Variants in SSH1 observed in about 807,000 individuals in gnomAD.
SSH1 encodes slingshot protein phosphatase 1.
In SSH1, 43 loss-of-function variants were observed where a neutral mutation model predicts 79.7. The observed-to-expected ratio is 0.54, with a 90% CI of 0.42 to 0.70. The LOEUF (loss-of-function observed/expected upper bound fraction) is 0.70, where lower values mean the gene tolerates loss of function less well. Among genes scored for constraint, SSH1 ranks in the 30% least tolerant of loss-of-function variants. SSH1 has a pLI of 0.00. For missense variants in SSH1, 1,206 were observed against 1,358.8 expected, an observed-to-expected ratio of 0.89 and a Z score of 1.77; for synonymous variants, 599 against 538.3, an observed-to-expected ratio of 1.11 and a Z score of -1.56.
intron 3 of SSH1, among the ~76,000 whole-genome samples, chr12:108,821,354 A>G (rs1435361534): frequency 6.6e-6 from 1 of 152,044 alleles, no homozygotes; most frequent in African/African-American, 2.4e-5. Context: ...TGATCAGGCC[A>G]CTGCACGCCA....
chr12:108,835,967 A>G lies in SSH1; in HGVS notation c.111-12606T>C, dbSNP rs899918492. Among the ~76,000 whole-genome samples the G allele has an allele frequency of 1.9e-4, 28 of 146,198 alleles. 2 individuals are homozygous for G. Among genetic ancestry groups the G allele is most frequent in the African/African-American group, 5.9e-4 (24 of 40,510 alleles). ...TATATTAATATAATCGATTATAACT[A>G]TATTAATATAATCGATTATAACTAT... On this transcript the variant is annotated intron_variant, in intron 2 of 14. Coordinates refer to ENST00000326495, the MANE Select transcript of SSH1 (RefSeq NM_018984.4).
Position 108,788,179 on chromosome 12 carries a change from A to T in SSH1, c.2959T>A (p.Phe987Ile). ...HSLAKLGSLT[F>I]STEDLSSEAD... ...TCACTGGACAGGTCTTCCGTTGAGA[A>T]GGTGAGACTCCCCAGCTTGGCAAGA... The change falls in exon 15 of 15, where the codon TTC (phenylalanine) becomes ATC (isoleucine). Residue 987 changes from phenylalanine to isoleucine, a missense_variant. Around this residue, in one of 5 missense-constraint regions of SSH1, gnomAD observed 709 missense variants for 730.6 expected, o/e 0.97. Transcript: ENST00000326495. The T allele has an allele frequency of 1.2e-6, 2 of 1,613,984 alleles. No homozygotes were observed. The highest frequency in any genetic ancestry group is 1.7e-6 in the Non-Finnish European group (2 of 1,180,006).
At chr12:108,855,836 T>C (rs991678543) in intron 1 of SSH1, among the ~76,000 whole-genome samples, 6 of 152,074 alleles carry the variant, frequency 3.9e-5, no homozygotes, top group Admixed American at 2.0e-4. Flanking sequence ...CTTCTGTGTA[T>C]AGATAACTCA....
chr12:108,793,982 G>A (rs1313574019), intron 13 of SSH1, among the ~76,000 whole-genome samples: 2 of 152,198 alleles, frequency 1.3e-5, no homozygotes, highest in African/African-American at 2.4e-5. Flanking sequence ...GCAGGCTCAG[G>A]GAGAGGTCAG....
At chr12:108,846,982 G>A (rs935660896) in intron 2 of SSH1, among the ~76,000 whole-genome samples, 27 of 151,804 alleles carry the variant, frequency 1.8e-4, no homozygotes, top group Non-Finnish European at 2.9e-4. Context: ...CTGCAGTCTC[G>A]ACCTCCTGGG....
Position 108,782,414 on chromosome 12 carries a change from C to CT in SSH1, c.*5573dup, listed in dbSNP as rs546518686. On this transcript the variant is annotated 3_prime_UTR_variant, in exon 15 of 15. Coordinates refer to ENST00000326495, the MANE Select transcript of SSH1 (RefSeq NM_018984.4). ...GTCCAAATCCTTTCCTGGTGGGTAA[C>CT]TTTTTTTTTTTGGTACACAAAGGAC... The CT allele has an allele frequency of 2.1e-3, 306 of 146,932 alleles. 3 individuals carry two copies. The South Asian group carries it at 0.028, about 14-fold the overall frequency. 9.1% of individuals were successfully genotyped at this position (146,932 alleles called of 1,614,324 possible).
chr12:108,818,229 ACATT>A lies in SSH1; in HGVS notation c.279+16_279+19del. 1 of 1,612,520 alleles carries A rather than the reference ACATT, an allele frequency of 6.2e-7. No individual in the cohort carries two copies. Among genetic ancestry groups the A allele is most frequent in the Non-Finnish European group, 8.5e-7 (1 of 1,178,976 alleles). On this transcript the variant is annotated intron_variant, in intron 4 of 14. Coordinates refer to ENST00000326495, the MANE Select transcript of SSH1 (RefSeq NM_018984.4). ...AATTAAAAAAAAATTTTTTAACTTG[ACATT>A]CTCACTGCTTCTTACCAGCTTGATT... is the stretch of plus-strand genomic sequence containing the variant.
At chr12:108,790,237 G>A (rs1402098427) in intron 14 of SSH1, among the ~76,000 whole-genome samples, 6 of 151,082 alleles carry the variant, frequency 4.0e-5, no homozygotes, top group Admixed American at 2.0e-4. Context: ...TGCAACCTCT[G>A]CCTCCCAGGT....
At chr12:108,841,924 A>G (rs2038788405) in intron 2 of SSH1, among the ~76,000 whole-genome samples, 1 of 152,080 alleles carries the variant, frequency 6.6e-6, no homozygotes, top group Non-Finnish European at 1.5e-5. Flanking sequence ...TGGGCAGATC[A>G]CTTGAGTCCA....
At position 108,788,748 on chromosome 12, in the gene SSH1, G is replaced by C; in HGVS notation, c.2390C>G (p.Ser797Cys). The C allele has an allele frequency of 6.2e-7, 1 of 1,614,240 alleles. No individual in the cohort carries two copies. The highest frequency in any genetic ancestry group is 8.5e-7 in the Non-Finnish European group (1 of 1,180,042). The change falls in exon 15 of 15, where the codon TCT (serine) becomes TGT (cysteine). Residue 797 changes from serine (S) to cysteine (C), a missense_variant. Ser to Cys is a moderately radical substitution (Grantham distance 112, BLOSUM62 -1). This residue lies in a region of SSH1 where 709 missense variants were observed against 730.6 expected (regional missense o/e 0.97). Coordinates refer to ENST00000326495, the MANE Select transcript of SSH1 (RefSeq NM_018984.4). ...GTAGCTGTTGGTTGTCGGCTTCTCA[G>C]ATTCATTACTGAACAGAAGCCTCAG... The part of the protein sequence containing the change: ...KDLRLLFSNE[S>C]EKPTTNSYLM...
intron 2 of SSH1, among the ~76,000 whole-genome samples, chr12:108,838,532 G>T (rs902709093): frequency 6.6e-6 from 1 of 152,220 alleles, no homozygotes; most frequent in Admixed American, 6.5e-5. Flanking sequence ...AAGGGCACGC[G>T]AAGCCAGGAT....
rs892202742 is a variant in SSH1, at chr12:108,787,742, G to C, written c.*246C>G. On this transcript the variant is annotated 3_prime_UTR_variant, in exon 15 of 15. Coordinates refer to ENST00000326495, the MANE Select transcript of SSH1 (RefSeq NM_018984.4). The stretch of plus-strand genomic sequence containing the variant: ...TCTTCTTGAAGACACGGTGGGAGCG[G>C]AGTTTTGTGTCTCCTGGCCGGCGGC... 34 of 562,630 alleles carry C rather than the reference G, an allele frequency of 6.0e-5. No homozygotes were observed. The Middle Eastern group carries it at 1.4e-3, about 23-fold the overall frequency. The allele number at this position is 562,630 out of a possible 1,614,324, so 34.9% of individuals were successfully genotyped here.
intron 1 of SSH1, among the ~76,000 whole-genome samples, chr12:108,856,166 C>A (rs963461336): frequency 6.6e-6 from 1 of 152,336 alleles, no homozygotes; most frequent in South Asian, 2.1e-4. Flanking sequence ...GGTCTGCAGG[C>A]GGACACTCAG....
chr12:108,816,483 G>A (rs142208086), intron 5 of SSH1, among the ~76,000 whole-genome samples: 5 of 152,268 alleles, frequency 3.3e-5, no homozygotes, highest in African/African-American at 1.2e-4. Flanking sequence ...ACGCATCTTG[G>A]GGTCAATGCT....
rs2036146830 is a variant in SSH1, at chr12:108,781,544, C to G, written c.*6444G>C. The G allele has an allele frequency of 6.6e-6, 1 of 152,210 alleles. No individual in the cohort carries two copies. Among genetic ancestry groups the G allele is most frequent in the African/African-American group, 2.4e-5 (1 of 41,448 alleles). The allele number at this position is 152,210 out of a possible 1,614,324, so 9.4% of individuals were successfully genotyped here. On this transcript the variant is annotated 3_prime_UTR_variant, in exon 15 of 15. Coordinates refer to ENST00000326495, the MANE Select transcript of SSH1 (RefSeq NM_018984.4). ...CAGTCTTTTGAGTCCAGTTGAGAGA[C>G]AGAGCAAGTCCAGATGAACTGAACA...
chr12:108,807,916 G>C lies in SSH1; in HGVS notation c.537-89C>G. The C allele has an allele frequency of 8.5e-7, 1 of 1,170,982 alleles. No individual in the cohort carries two copies. Among genetic ancestry groups the C allele is most frequent in the South Asian group, 1.3e-5 (1 of 78,970 alleles). 72.5% of individuals were successfully genotyped at this position (1,170,982 alleles called of 1,614,324 possible). On this transcript the variant is annotated intron_variant, in intron 7 of 14. Coordinates refer to ENST00000326495, the MANE Select transcript of SSH1 (RefSeq NM_018984.4). The surrounding 1 kb of genome is among the most constrained non-coding windows in gnomAD (Gnocchi z 5.2). ...TGACAAAGGGGTTCAAATACGGGAA[G>C]GGAAGGGCAATGATTGATTGGTTGA...
Position 108,792,447 on chromosome 12 carries a change from T to TG in SSH1, c.1731dup (p.Lys578GlnfsTer56). 6.2e-7 allele frequency: 1 copy of TG among 1,614,202 alleles called. No individual in the cohort carries two copies. Among genetic ancestry groups the TG allele is most frequent in the Non-Finnish European group, 8.5e-7 (1 of 1,180,020 alleles). On this transcript the variant is annotated frameshift_variant, in exon 14 of 15. Coordinates refer to ENST00000326495, the MANE Select transcript of SSH1 (RefSeq NM_018984.4). LOFTEE classifies it high-confidence loss of function. Reference sequence around the variant, plus strand: ...TGCAGCAAGGAGCCGCTCCGACCTTTGGGACTCCCAAACTCTAGTTTCTTC... The same window carrying TG: ...TGCAGCAAGGAGCCGCTCCGACCTTTGGGGACTCCCAAACTCTAGTTTCTTC...
intron 5 of SSH1, chr12:108,811,673 G>T (rs1022388439): frequency 1.0e-5 from 4 of 394,836 alleles, no homozygotes; most frequent in African/African-American, 2.1e-5. Flanking sequence ...GCCCGGCCTG[G>T]CCTGTCCTGG....
At chr12:108,801,872 T>C (rs1292708480) in intron 11 of SSH1, among the ~76,000 whole-genome samples, 1 of 152,116 alleles carries the variant, frequency 6.6e-6, no homozygotes, top group African/African-American at 2.4e-5. Context: ...GTTGCAAGAT[T>C]CCCACCAGGC....
Sources: allele counts gnomAD v4.1 joint callset (sites outside exome capture counted in the v4.1 genomes callset), GRCh38; gene constraint gnomAD v4.1.1; regional missense constraint gnomAD v4.1.1; non-coding constraint Gnocchi (gnomAD v3.1); transcripts MANE v1.5; gene names NCBI Gene and HGNC (gene_info 2026-07-23, HGNC 2026-07-21).